Variants in FAM193B observed in about 807,000 individuals in gnomAD.
The protein encoded by FAM193B is protein FAM193B.
FAM193B carries 27 observed loss-of-function variants against 70.7 expected under a neutral mutation model. The observed-to-expected ratio is 0.38, with a 90% CI of 0.28 to 0.53. The LOEUF is 0.53. Among genes scored for constraint, FAM193B ranks in the 20% least tolerant of loss-of-function variants. The pLI is 0.81. For missense variants in FAM193B, 1,022 were observed against 1,072.5 expected (o/e 0.95, Z 0.66); for synonymous variants, 448 against 436.0 (o/e 1.03, Z -0.34).
At chr5:177,522,392 G>T (rs901348301) in intron 7 of FAM193B, among the ~76,000 whole-genome samples, 9 of 152,162 alleles carry the variant, frequency 5.9e-5, no homozygotes, top group Non-Finnish European at 8.8e-5. Context: ...ATCTGCTGGG[G>T]ATTAGTTACC....
intron 1 of FAM193B, among the ~76,000 whole-genome samples, chr5:177,544,914 G>A (rs191230557): frequency 6.6e-6 from 1 of 152,216 alleles, no homozygotes; most frequent in Admixed American, 6.5e-5. Context: ...TGTGAGGTTG[G>A]ATTTTTTTTC....
At chr5:177,521,058 G>A (rs1761652501) in intron 8 of FAM193B, among the ~76,000 whole-genome samples, 1 of 152,170 alleles carries the variant, frequency 6.6e-6, no homozygotes, top group South Asian at 2.1e-4. Flanking sequence ...AGAAAGACAG[G>A]TGGGGCCATC....
intron 5 of FAM193B, among the ~76,000 whole-genome samples, chr5:177,525,852 C>CA (rs542334315): frequency 7.8e-4 from 119 of 152,382 alleles, no homozygotes; most frequent in Non-Finnish European, 1.4e-3. Context: ...TCAGAGAGGC[C>CA]AGGCCCTGCC....
chr5:177,523,234 A>G (rs1342548799), intron 7 of FAM193B: 2 of 373,614 alleles, frequency 5.4e-6, no homozygotes, highest in Non-Finnish European at 1.1e-5. Flanking sequence ...TCCTGATCTC[A>G]GGTGATCCAC....
intron 1 of FAM193B, among the ~76,000 whole-genome samples, chr5:177,549,900 T>C (rs1311290541): frequency 2.6e-5 from 4 of 152,206 alleles, no homozygotes; most frequent in Non-Finnish European, 5.9e-5. Flanking sequence ...GTATTGAGTA[T>C]ATAAGGTCCA....
intron 1 of FAM193B, 51 bp downstream of exon 1, chr5:177,554,198 C>A (rs917465012): frequency 4.1e-6 from 6 of 1,479,974 alleles, no homozygotes; most frequent in South Asian, 2.5e-5. Flanking sequence ...CGCTCCCGCT[C>A]GGGGAAGGTG....
chr5:177,521,326 T>C (rs1284548914), intron 8 of FAM193B, among the ~76,000 whole-genome samples: 1 of 152,186 alleles, frequency 6.6e-6, no homozygotes, highest in African/African-American at 2.4e-5. Flanking sequence ...GGTACATCAT[T>C]GTTTCAGACA....
intron 1 of FAM193B, among the ~76,000 whole-genome samples, chr5:177,543,511 G>C (rs552435100): frequency 6.6e-6 from 1 of 152,190 alleles, no homozygotes; most frequent in African/African-American, 2.4e-5. Context: ...CAGTTTGAGG[G>C]GCCACCCCTA....
rs535955391 is a variant in FAM193B at position 177,553,657 on chromosome 5, G to A, written c.210+592C>T. The A allele has an allele frequency of 1.5e-4, 193 of 1,280,424 alleles. No individual in the cohort carries two copies. In the African/African-American group the frequency reaches 2.6e-3, roughly 17 times the overall value. The allele number at this position is 1,280,424 out of a possible 1,614,324, so 79.3% of individuals were successfully genotyped here. Reference sequence around the variant, plus strand: ...TTGCGGAGCAGGGGAGGGAAGAAGGGCAGGTTCTGCTGGGTTTCCACCTCA... The same window carrying A: ...TTGCGGAGCAGGGGAGGGAAGAAGGACAGGTTCTGCTGGGTTTCCACCTCA... On this transcript the variant is annotated intron_variant, in intron 1 of 8. Coordinates refer to ENST00000514747, the MANE Select transcript of FAM193B (RefSeq NM_001190946.3).
intron 4 of FAM193B, among the ~76,000 whole-genome samples, chr5:177,535,872 T>C (rs888408077): frequency 3.3e-5 from 5 of 151,974 alleles, no homozygotes; most frequent in Non-Finnish European, 5.9e-5. Context: ...TTCTGAATTG[T>C]TCCAAGTTAA....
chr5:177,548,522 T>C (rs1765767204), intron 1 of FAM193B, among the ~76,000 whole-genome samples: 1 of 152,202 alleles, frequency 6.6e-6, no homozygotes, highest in Non-Finnish European at 1.5e-5. Flanking sequence ...GTTTGAAGAA[T>C]ACCCTAGGTC....
In FAM193B at chr5:177,540,783, G is replaced by C. The variant is rs540796504; in HGVS notation, c.211-1636C>G. ...GGAGGTGGTTTGTTATGCAATGGTA[G>C]TTAACTGACATACCTTCCAAACTTA... On this transcript the variant is annotated intron_variant, in intron 1 of 8. Transcript: ENST00000514747. Among the ~76,000 whole-genome samples, 3 of 152,278 alleles carry C rather than the reference G, an allele frequency of 2.0e-5. No individual in the cohort carries two copies. In the South Asian group the frequency reaches 6.2e-4, roughly 32 times the overall value.
Position 177,554,489 on chromosome 5 carries a change from A to ACGCCGCCGCCGCCGCCGCCGCCGCCGC in FAM193B, c.-58_-32dup. 1.7e-6 allele frequency: 1 copy of ACGCCGCCGCCGCCGCCGCCGCCGCCGC among 601,246 alleles called. No homozygotes were observed. The highest frequency in any genetic ancestry group is 7.2e-5 in the South Asian group (1 of 13,794). The allele number at this position is 601,246 out of a possible 1,614,324, so 37.2% of individuals were successfully genotyped here. A position where few individuals can be genotyped will look rare whatever the true frequency, so the allele number is the denominator to read the frequency against. ...CGCTCGCGCCGCTCCCTCGCTCCAC[A>ACGCCGCCGCCGCCGCCGCCGCCGCCGC]CGCCGCCGCCGCCGCCGCCGCCGCC... On this transcript the variant is annotated 5_prime_UTR_variant, in exon 1 of 9. Coordinates refer to ENST00000514747, the MANE Select transcript of FAM193B (RefSeq NM_001190946.3).
intron 5 of FAM193B, among the ~76,000 whole-genome samples, chr5:177,527,105 T>G (rs953586148): frequency 1.3e-5 from 2 of 149,946 alleles, no homozygotes; most frequent in African/African-American, 5.0e-5. Context: ...GAATGGGGAG[T>G]GGAATCATCC....
rs886383761 is a variant in FAM193B, at chr5:177,531,851, G to A, written c.1275+592C>T. The A allele has an allele frequency of 3.5e-6, 4 of 1,158,384 alleles. No individual in the cohort carries two copies. The African/African-American group carries it at 6.5e-5, about 19-fold the overall frequency. The allele number at this position is 1,158,384 out of a possible 1,614,324, so 71.8% of individuals were successfully genotyped here. A position where few individuals can be genotyped will look rare whatever the true frequency, so the allele number is the denominator to read the frequency against. On this transcript the variant is annotated intron_variant, in intron 5 of 8. Coordinates refer to ENST00000514747, the MANE Select transcript of FAM193B (RefSeq NM_001190946.3). ...GCCTCAATTTTGTCATCTCTAAAATGAGGATAATAACCCCTAGCTCAAAGG... is the reference window on the plus strand; with the variant it reads ...GCCTCAATTTTGTCATCTCTAAAATAAGGATAATAACCCCTAGCTCAAAGG...
intron 1 of FAM193B, among the ~76,000 whole-genome samples, chr5:177,541,180 A>C (rs1436067180): frequency 1.3e-5 from 2 of 152,200 alleles, no homozygotes; most frequent in African/African-American, 2.4e-5. Flanking sequence ...TGGCAACTGC[A>C]GGGGTGGAAG....
chr5:177,529,464 C>T (rs1763128906), intron 5 of FAM193B, among the ~76,000 whole-genome samples: 1 of 152,084 alleles, frequency 6.6e-6, no homozygotes, highest in Non-Finnish European at 1.5e-5. Context: ...GTGTGTCTGT[C>T]CCTGCCTGCA....
In FAM193B at chr5:177,536,421, C is replaced by T. The variant is rs765096079; in HGVS notation, c.1013G>A (p.Gly338Asp). The change falls in exon 4 of 9, where the codon GGT becomes GAT. Residue 338 changes from glycine to aspartate, a missense_variant. Coordinates refer to ENST00000514747, the MANE Select transcript of FAM193B (RefSeq NM_001190946.3). ...GAGGAGAGGCCCACTGCAGTGCCCACCACAGTGCCCGCTGCAGGGGTGGCT... is the reference window on the plus strand; with the variant it reads ...GAGGAGAGGCCCACTGCAGTGCCCATCACAGTGCCCGCTGCAGGGGTGGCT... ...GCSHPCSGHC[G>D]GHCSGPLLPP... 1.2e-6 allele frequency: 2 copies of T among 1,604,430 alleles called. No individual in the cohort carries two copies. The highest frequency in any genetic ancestry group is 1.1e-5 in the South Asian group (1 of 89,734).
intron 6 of FAM193B, 59 bp downstream of exon 6, chr5:177,524,126 C>T (rs1294630548): frequency 5.0e-6 from 8 of 1,606,310 alleles, no homozygotes; most frequent in Non-Finnish European, 6.8e-6. Flanking sequence ...AAGGCTGCCC[C>T]TCCACCCCGT....
Sources: gnomAD v4.1 joint callset for allele counts (sites outside exome capture counted in the v4.1 genomes callset) on GRCh38, gnomAD v4.1.1 for gene constraint, MANE v1.5 for transcripts, NCBI Gene and HGNC (gene_info 2026-07-23, HGNC 2026-07-21) for gene names.